ABLIM3: variants seen among roughly 807,000 people sequenced by gnomAD.
ABLIM3 encodes actin-binding LIM protein 3.
ABLIM3 carries 61 observed loss-of-function variants against 109.5 expected under a neutral mutation model. That is an observed-to-expected ratio of 0.56 (90% CI 0.45 to 0.69). ABLIM3 has a LOEUF of 0.69. Ranked by LOEUF, ABLIM3 falls within the 30% of genes least tolerant of loss-of-function variation. The pLI is 0.00. For synonymous variants in ABLIM3, 300 were observed against 324.8 expected, an observed-to-expected ratio of 0.92 and a Z score of 0.82; for missense variants, 796 against 889.5, an observed-to-expected ratio of 0.89 and a Z score of 1.34.
rs183085058 is a variant in ABLIM3, at chr5:149,149,418, C to T, written c.13+7310C>T. Among the ~76,000 whole-genome samples the T allele has an allele frequency of 2.2e-3, 330 of 152,348 alleles. 1 individual carries two copies. The highest frequency in any genetic ancestry group is 3.6e-3 in the Non-Finnish European group (243 of 68,030). On this transcript the variant is annotated intron_variant, in intron 2 of 23. Coordinates refer to ENST00000309868, the MANE Select transcript of ABLIM3 (RefSeq NM_014945.5). ...TTCTGGAAAGATGGTGTCATTAAAA[C>T]TAAATCCTCTGATTAAAAATTAGTC... is the stretch of plus-strand genomic sequence containing the variant.
intron 10 of ABLIM3, among the ~76,000 whole-genome samples, chr5:149,235,072 G>T (rs1456463654): frequency 6.6e-6 from 1 of 152,162 alleles, no homozygotes; most frequent in Non-Finnish European, 1.5e-5. Context: ...CTTACACATT[G>T]AGATCAGTTG....
intron 3 of ABLIM3, among the ~76,000 whole-genome samples, chr5:149,183,793 G>A (rs570125342): frequency 1.2e-3 from 185 of 152,254 alleles, no homozygotes; most frequent in African/African-American, 4.4e-3. Context: ...CAAGGATCCT[G>A]GTAACCTTGG....
chr5:149,236,594 C>A (rs184850462), intron 10 of ABLIM3, among the ~76,000 whole-genome samples: 2 of 152,170 alleles, frequency 1.3e-5, no homozygotes, highest in East Asian at 3.9e-4. Context: ...TCAATCCATG[C>A]AGCTCTAGAG....
intron 10 of ABLIM3, among the ~76,000 whole-genome samples, chr5:149,235,704 C>G (rs894705139): frequency 6.6e-6 from 1 of 152,182 alleles, no homozygotes; most frequent in African/African-American, 2.4e-5. Flanking sequence ...CAAGTGGACT[C>G]TCATCTAATA....
intron 19 of ABLIM3, 83 bp downstream of exon 19, chr5:149,249,927 A>G: frequency 6.6e-7 from 1 of 1,507,698 alleles, no homozygotes; most frequent in Non-Finnish European, 9.2e-7. Flanking sequence ...CATAGTTCTA[A>G]TGACCATACA....
At chr5:149,201,354 T>C (rs1758469566) in intron 5 of ABLIM3, among the ~76,000 whole-genome samples, 1 of 152,172 alleles carries the variant, frequency 6.6e-6, no homozygotes, top group Admixed American at 6.5e-5. Context: ...GAAAATTCCA[T>C]TAGCCTCCTG....
At position 149,240,787 on chromosome 5, in the gene ABLIM3, A is replaced by G; in HGVS notation, c.1303+13A>G. 6.2e-7 allele frequency: 1 copy of G among 1,612,042 alleles called. No homozygotes were observed. The highest frequency in any genetic ancestry group is 8.5e-7 in the Non-Finnish European group (1 of 1,178,328). ...TTTCACATCCCAGGTAGGCACTGCC[A>G]GCCCAGAATTCCTGGGATGGATGCA... On this transcript the variant is annotated intron_variant, in intron 14 of 23. Coordinates refer to ENST00000309868, the MANE Select transcript of ABLIM3 (RefSeq NM_014945.5).
intron 2 of ABLIM3, among the ~76,000 whole-genome samples, chr5:149,165,044 G>T (rs1754700874): frequency 6.6e-6 from 1 of 152,150 alleles, no homozygotes; most frequent in Non-Finnish European, 1.5e-5. Flanking sequence ...TCCAAACATA[G>T]TTTCTGAACA....
chr5:149,172,747 A>G (rs1028303712), intron 2 of ABLIM3, among the ~76,000 whole-genome samples: 8 of 152,142 alleles, frequency 5.3e-5, no homozygotes, highest in Non-Finnish European at 1.2e-4. Context: ...GATTCTCCAG[A>G]TTGGTCCCTT....
chr5:149,250,474 T>C lies in ABLIM3; in HGVS notation c.1757T>C (p.Leu586Pro), dbSNP rs909796161. 1 of 1,614,198 alleles carries C rather than the reference T, an allele frequency of 6.2e-7. No homozygotes were observed. The highest frequency in any genetic ancestry group is 2.2e-5 in the East Asian group (1 of 44,872). Residue 586 changes from leucine to proline, a missense_variant, in exon 20 of 24, where the codon CTG (leucine) becomes CCG (proline). By Grantham distance (98) the Leu-to-Pro change is moderately conservative. Coordinates refer to ENST00000309868, the MANE Select transcript of ABLIM3 (RefSeq NM_014945.5). ...CCTCTCATCTCCAAATCTGCCTCCC[T>C]GCCTGCCTACCGAAGAAATGGGCTG... ...SDPLISKSAS[L>P]PAYRRNGLHR...
intron 2 of ABLIM3, among the ~76,000 whole-genome samples, chr5:149,157,372 C>T (rs1422979970): frequency 1.3e-5 from 2 of 152,170 alleles, no homozygotes; most frequent in African/African-American, 2.4e-5. Context: ...ATTTCCTACT[C>T]ACAGCCCACA....
chr5:149,244,797 A>G (rs911147734), intron 15 of ABLIM3, 84 bp from the exon 16 acceptor site: 1 of 1,572,340 alleles, frequency 6.4e-7, no homozygotes, highest in Non-Finnish European at 8.7e-7. Context: ...CCTGGGCTGG[A>G]GCCTGGTAAA....
chr5:149,233,948 C>A (rs1762110926), intron 10 of ABLIM3, among the ~76,000 whole-genome samples: 9 of 152,132 alleles, frequency 5.9e-5, no homozygotes, highest in Admixed American at 5.9e-4. Flanking sequence ...CTCAGAGGCC[C>A]CTTGTATATG....
chr5:149,170,049 G>T (rs922252954), intron 2 of ABLIM3, among the ~76,000 whole-genome samples: 1 of 151,862 alleles, frequency 6.6e-6, no homozygotes, highest in African/African-American at 2.4e-5. Context: ...GCGTCATGGG[G>T]GTTCGTTGTA....
Position 149,225,191 on chromosome 5 carries a change from G to A in ABLIM3, c.758-5458G>A, listed in dbSNP as rs113666743. Among the ~76,000 whole-genome samples, 804 of 152,130 alleles carry A rather than the reference G, an allele frequency of 5.3e-3. 6 individuals are homozygous for A. Among genetic ancestry groups the A allele is most frequent in the Admixed American group, 6.0e-3 (91 of 15,278 alleles). On this transcript the variant is annotated intron_variant, in intron 8 of 23. Transcript: ENST00000309868. ...AACACAAAATTAACCATTTTAAAGC[G>A]CACAATTCGGTAGCTTTTAGTGCAT...
chr5:149,251,669 C>T (rs1753941256), intron 21 of ABLIM3, among the ~76,000 whole-genome samples: 1 of 152,188 alleles, frequency 6.6e-6, no homozygotes, highest in African/African-American at 2.4e-5. Context: ...AGAACCATCA[C>T]AGAGTTCTGC....
chr5:149,247,757 T>C (rs1753522448), intron 17 of ABLIM3, 25 bp from the exon 18 acceptor site: 2 of 1,614,070 alleles, frequency 1.2e-6, no homozygotes, highest in African/African-American at 1.3e-5. Flanking sequence ...CTTCTAACTT[T>C]ATCTTGCTCT....
intron 10 of ABLIM3, among the ~76,000 whole-genome samples, chr5:149,236,049 A>G (rs936212341): frequency 3.3e-5 from 5 of 152,050 alleles, no homozygotes; most frequent in African/African-American, 1.2e-4. Context: ...AAGTGTGCCA[A>G]CCTCTCTCTC....
At chr5:149,242,346 G>A (rs1282036090) in intron 14 of ABLIM3, 145 bp from the exon 15 acceptor site, 1 of 733,180 alleles carries the variant, frequency 1.4e-6, no homozygotes, top group Non-Finnish European at 2.3e-6. Flanking sequence ...AAGTCACCAG[G>A]GGAAAAAGAT....
Sources: gnomAD v4.1 joint callset for allele counts (sites outside exome capture counted in the v4.1 genomes callset) on GRCh38, gnomAD v4.1.1 for gene constraint, MANE v1.5 for transcripts, NCBI Gene and HGNC (gene_info 2026-07-23, HGNC 2026-07-21) for gene names.